The following C13orf46 variants were observed in gnomAD, a reference collection of about 807,000 sequenced individuals.
C13orf46 encodes the protein uncharacterized protein C13orf46.
chr13:113,961,552 A>G (rs991666669), intron 6 of C13orf46, among the ~76,000 whole-genome samples: 65 of 151,272 alleles, frequency 4.3e-4, no homozygotes, highest in African/African-American at 1.5e-3. Flanking sequence ...ATCTGTAGTC[A>G]TTGTTCTGAA....
intron 6 of C13orf46, among the ~76,000 whole-genome samples, chr13:113,962,274 T>C (rs2052593251): frequency 6.6e-6 from 1 of 151,922 alleles, no homozygotes; most frequent in Admixed American, 6.6e-5. Flanking sequence ...GGCGTGGTGG[T>C]GGGCGCCTGT....
chr13:113,950,102 A>C (rs1594239297), downstream of C13orf46, among the ~76,000 whole-genome samples: 1 of 72,280 alleles, frequency 1.4e-5, no homozygotes, highest in African/African-American at 5.9e-5. Flanking sequence ...TGGGGTCATC[A>C]CCCCCTGCCT....
the C13orf46 span, among the ~76,000 whole-genome samples, chr13:113,942,136 A>C: frequency 3.9e-5 from 6 of 152,256 alleles, no homozygotes; most frequent in Admixed American, 1.3e-4. Context: ...TGCTGATTGC[A>C]AACCACAGAA....
At chr13:113,934,637 T>A in the C13orf46 span, among the ~76,000 whole-genome samples, 1 of 152,240 alleles carries the variant, frequency 6.6e-6, no homozygotes, top group African/African-American at 2.4e-5. Context: ...CTCCAAACAG[T>A]GGACTCTGGG....
In C13orf46 at chr13:113,955,238, TCTGGCGGAGAC is replaced by T. The variant is rs2052515205; in HGVS notation, c.*1524_*1534del. ...GAGCATCCCGTGGAGACGAGGAGCA[TCTGGCGGAGAC>T]GAGGAGCATCTGGCGGAGAGGAGGA... is the stretch of plus-strand genomic sequence containing the variant. On this transcript the variant is annotated 3_prime_UTR_variant, in exon 7 of 7. Transcript: ENST00000636427. 5 of 161,394 alleles carry T rather than the reference TCTGGCGGAGAC, an allele frequency of 3.1e-5. No individual in the cohort carries two copies. The highest frequency in any genetic ancestry group is 6.1e-5 in the Non-Finnish European group (5 of 81,374). The allele number at this position is 161,394 out of a possible 1,614,324, so 10.0% of individuals were successfully genotyped here.
the C13orf46 span, among the ~76,000 whole-genome samples, chr13:113,941,578 G>T: frequency 6.6e-6 from 1 of 152,234 alleles, no homozygotes; most frequent in Non-Finnish European, 1.5e-5. Flanking sequence ...TGTGTGTGAG[G>T]CTGGGCGTCT....
the C13orf46 span, among the ~76,000 whole-genome samples, chr13:113,945,657 AAAG>A: frequency 2.9e-5 from 4 of 137,740 alleles, no homozygotes; most frequent in Admixed American, 7.2e-5. Flanking sequence ...AGAAAGAAAG[AAAG>A]AAAGAAAGAA....
intron 1 of C13orf46, among the ~76,000 whole-genome samples, chr13:113,972,453 C>G (rs991861349): frequency 6.6e-6 from 1 of 152,214 alleles, no homozygotes; most frequent in Admixed American, 6.5e-5. Flanking sequence ...TCCACGGCCC[C>G]GTGGACACCT....
chr13:113,931,710 AC>A, the C13orf46 span, among the ~76,000 whole-genome samples: 1 of 152,118 alleles, frequency 6.6e-6, no homozygotes, highest in East Asian at 1.9e-4. Flanking sequence ...TCCCTCAGAG[AC>A]CCATATTCTG....
the C13orf46 span, among the ~76,000 whole-genome samples, chr13:113,934,207 G>A: frequency 2.6e-5 from 4 of 152,224 alleles, no homozygotes; most frequent in Non-Finnish European, 5.9e-5. Flanking sequence ...GTGTGGTGTG[G>A]AGGCACCACG....
At chr13:113,946,994 CCT>C in the C13orf46 span, among the ~76,000 whole-genome samples, 89 of 152,356 alleles carry the variant, frequency 5.8e-4, no homozygotes, top group Admixed American at 2.9e-3. Context: ...CTGTCTCTTC[CCT>C]CTCTCTGGCT....
the C13orf46 span, among the ~76,000 whole-genome samples, chr13:113,946,210 G>A: frequency 2.0e-5 from 3 of 152,214 alleles, no homozygotes; most frequent in African/African-American, 7.2e-5. Flanking sequence ...CCCTCACCTA[G>A]CACTGTACTC....
chr13:113,930,706 G>A, the C13orf46 span, among the ~76,000 whole-genome samples: 7 of 152,210 alleles, frequency 4.6e-5, 1 homozygote, highest in South Asian at 6.2e-4. Flanking sequence ...CCCTGGCCAC[G>A]GAAGCTGAAG....
At chr13:113,948,283 G>A in the C13orf46 span, among the ~76,000 whole-genome samples, 10 of 152,206 alleles carry the variant, frequency 6.6e-5, no homozygotes, top group Non-Finnish European at 1.5e-5. Context: ...CCTGCCTCCT[G>A]GGACTGAAGC....
At chr13:113,939,401 G>A in the C13orf46 span, among the ~76,000 whole-genome samples, 14 of 150,882 alleles carry the variant, frequency 9.3e-5, no homozygotes, top group South Asian at 4.2e-4. Flanking sequence ...GAGACCACCC[G>A]ATGGGGAGGA....
chr13:113,969,790 A>G (rs2052684929), intron 2 of C13orf46, among the ~76,000 whole-genome samples: 1 of 152,100 alleles, frequency 6.6e-6, no homozygotes, highest in Admixed American at 6.5e-5. Flanking sequence ...TCCCTAAAGG[A>G]GCACTCGAGT....
chr13:113,953,168 T>G (rs2138966713), downstream of C13orf46, among the ~76,000 whole-genome samples: 1 of 152,306 alleles, frequency 6.6e-6, no homozygotes, highest in African/African-American at 2.4e-5. Flanking sequence ...GGTGTGTGGC[T>G]GCTGAGTGCC....
At position 113,964,931 on chromosome 13, in the gene C13orf46, C is replaced by T. The variant is rs2052621794; in HGVS notation, c.568G>A (p.Asp190Asn). The T allele has an allele frequency of 6.6e-6, 1 of 152,344 alleles. No individual in the cohort carries two copies. Among genetic ancestry groups the T allele is most frequent in the Non-Finnish European group, 1.5e-5 (1 of 68,112 alleles). The allele number at this position is 152,344 out of a possible 1,614,324, so 9.4% of individuals were successfully genotyped here. Residue 190 changes from aspartate to asparagine, a missense_variant, in exon 6 of 7, where the codon GAC (aspartate) becomes AAC (asparagine). By Grantham distance (23) the Asp-to-Asn change is conservative. Coordinates refer to ENST00000636427, the MANE Select transcript of C13orf46 (RefSeq NM_001365455.2). ...SQMDVEDLSEDEMQTSWVCCI... is the reference protein window; with the variant it reads ...SQMDVEDLSENEMQTSWVCCI... ...GAGCCCACAAGCATCACTCACTCGT[C>T]TTCTGACAGATCTTCCACATCCATC...
the C13orf46 span, among the ~76,000 whole-genome samples, chr13:113,936,764 C>T: frequency 1.3e-5 from 2 of 152,030 alleles, no homozygotes; most frequent in South Asian, 2.1e-4. Context: ...GTCCTTGTGC[C>T]CCGAGTCGCT....
Sources: allele counts gnomAD v4.1 joint callset (sites outside exome capture counted in the v4.1 genomes callset), GRCh38; gene constraint gnomAD v4.1.1; transcripts MANE v1.5; gene names NCBI Gene and HGNC (gene_info 2026-07-23, HGNC 2026-07-21).